MAGI1: variants seen among roughly 807,000 people sequenced by gnomAD.
MAGI1 encodes membrane-associated guanylate kinase, WW and PDZ domain-containing protein 1.
MAGI1 carries 58 observed loss-of-function variants against 139.9 expected under a neutral mutation model. The ratio of observed to expected loss-of-function variants is 0.41; its 90% confidence interval spans 0.34 to 0.52. The LOEUF (loss-of-function observed/expected upper bound fraction) is 0.52. Among genes scored for constraint, MAGI1 ranks in the 20% least tolerant of loss-of-function variants. MAGI1 has a pLI of 0.12. For missense variants in MAGI1, 1,874 were observed against 1,901.6 expected (o/e 0.99, Z 0.27); for synonymous variants, 812 against 737.9 (o/e 1.10, Z -1.63).
At chr3:65,407,757 C>T (rs745991310) in intron 12 of MAGI1, among the ~76,000 whole-genome samples, 7 of 152,106 alleles carry the variant, frequency 4.6e-5, no homozygotes, top group African/African-American at 7.2e-5. Flanking sequence ...AATTCATATT[C>T]TTATTTTCAG....
At chr3:65,634,303 T>G (rs2084479793) in intron 1 of MAGI1, among the ~76,000 whole-genome samples, 1 of 152,346 alleles carries the variant, frequency 6.6e-6, no homozygotes, top group South Asian at 2.1e-4. Flanking sequence ...CAACACATAT[T>G]CTTTCTAAAT....
chr3:65,993,488 T>C (rs1054962753), intron 1 of MAGI1, among the ~76,000 whole-genome samples: 3 of 152,164 alleles, frequency 2.0e-5, no homozygotes, highest in Non-Finnish European at 4.4e-5. Flanking sequence ...CTTCACACAT[T>C]AGTCTTTCAT....
chr3:65,859,867 G>A (rs1431542449), intron 1 of MAGI1, among the ~76,000 whole-genome samples: 1 of 149,978 alleles, frequency 6.7e-6, no homozygotes, highest in East Asian at 2.0e-4. Flanking sequence ...AGTAACCTAT[G>A]CTAACCAATC....
intron 1 of MAGI1, among the ~76,000 whole-genome samples, chr3:65,783,773 CA>C (rs1559878949): frequency 7.3e-6 from 1 of 136,950 alleles, no homozygotes; most frequent in East Asian, 2.2e-4. Context: ...GCTGAGATTA[CA>C]GGTGTGAGCC....
intron 1 of MAGI1, among the ~76,000 whole-genome samples, chr3:65,636,018 C>T (rs978959938): frequency 6.6e-6 from 1 of 152,096 alleles, no homozygotes; most frequent in Admixed American, 6.6e-5. Flanking sequence ...ATCAACAGAG[C>T]ATCCTTGAGT....
At chr3:65,812,468 T>TCTCTCTCACACACACACACACACA (rs1176899313) in intron 1 of MAGI1, among the ~76,000 whole-genome samples, 193 of 89,124 alleles carry the variant, frequency 2.2e-3, no homozygotes, top group East Asian at 0.016. Context: ...TCTCTCTCTC[T>TCTCTCTCACACACACACACACACA]CACACACACA....
In MAGI1 at chr3:65,395,636, C is replaced by CAAAAAAAAAAAAAAAAAAAAAAAAAA. The variant is rs58806140; in HGVS notation, c.2200-4279_2200-4278insTTTTTTTTTTTTTTTTTTTTTTTTTT. 3.4e-3 allele frequency among the ~76,000 whole-genome samples: 65 copies of CAAAAAAAAAAAAAAAAAAAAAAAAAA among 19,166 alleles called. 12 individuals are homozygous for CAAAAAAAAAAAAAAAAAAAAAAAAAA. Among genetic ancestry groups the CAAAAAAAAAAAAAAAAAAAAAAAAAA allele is most frequent in the East Asian group, 5.9e-3 (4 of 674 alleles). 12.6% of individuals were successfully genotyped at this position (19,166 alleles called of 152,430 possible). On this transcript the variant is annotated intron_variant, in intron 13 of 22. Transcript: ENST00000402939. Reference sequence around the variant, plus strand: ...TGGGTGACAGAGCGAGACTCCATCTCAAAAAAAAAAAAAAAAAAAAAGAGG... The same window carrying CAAAAAAAAAAAAAAAAAAAAAAAAAA: ...TGGGTGACAGAGCGAGACTCCATCTCAAAAAAAAAAAAAAAAAAAAAAAAAAAAAAAAAAAAAAAAAAAAAAAGAGG...
At chr3:65,716,348 T>C (rs1310447135) in intron 1 of MAGI1, among the ~76,000 whole-genome samples, 3 of 152,174 alleles carry the variant, frequency 2.0e-5, no homozygotes, top group Admixed American at 2.0e-4. Flanking sequence ...AACATAAATA[T>C]ATTTCATCCT....
intron 22 of MAGI1, among the ~76,000 whole-genome samples, chr3:65,357,706 C>G (rs1462271294): frequency 6.6e-6 from 1 of 152,066 alleles, no homozygotes; most frequent in East Asian, 1.9e-4. Context: ...GAAAAATCTA[C>G]TGCACTGTAT....
rs141283674 is a variant in MAGI1 at position 65,517,131 on chromosome 3, T to A, written c.431-23500A>T. 5.5e-3 allele frequency among the ~76,000 whole-genome samples: 832 copies of A among 152,264 alleles called. 7 individuals carry two copies. Among genetic ancestry groups the A allele is most frequent in the African/African-American group, 0.019 (774 of 41,540 alleles). ...TACACTACCTGGCTTCATATCTCATTCTGCATCAAGCATGTTGTCCTCTAT... is the reference window on the plus strand; with the variant it reads ...TACACTACCTGGCTTCATATCTCATACTGCATCAAGCATGTTGTCCTCTAT... On this transcript the variant is annotated intron_variant, in intron 2 of 22. Coordinates refer to ENST00000402939, the MANE Select transcript of MAGI1 (RefSeq NM_001033057.2).
At chr3:65,820,040 T>G (rs1215191433) in intron 1 of MAGI1, among the ~76,000 whole-genome samples, 2 of 151,934 alleles carry the variant, frequency 1.3e-5, no homozygotes, top group Non-Finnish European at 2.9e-5. Flanking sequence ...ACTGGACAAC[T>G]GGGATGTTGT....
intron 1 of MAGI1, among the ~76,000 whole-genome samples, chr3:65,925,981 T>C (rs920237303): frequency 7.2e-5 from 11 of 152,194 alleles, no homozygotes; most frequent in South Asian, 2.1e-4. Context: ...CCTGGCCATA[T>C]GTACTCATAT....
At chr3:65,377,048 T>C (rs1395201473) in intron 17 of MAGI1, among the ~76,000 whole-genome samples, 1 of 152,194 alleles carries the variant, frequency 6.6e-6, no homozygotes, top group Non-Finnish European at 1.5e-5. Context: ...AGTTATGCAG[T>C]TGAGTTACCT....
intron 1 of MAGI1, among the ~76,000 whole-genome samples, chr3:65,915,653 G>A (rs1018673973): frequency 6.6e-6 from 1 of 152,106 alleles, no homozygotes; most frequent in African/African-American, 2.4e-5. Context: ...CATCCCTCTG[G>A]GTTATCCAGT....
intron 1 of MAGI1, among the ~76,000 whole-genome samples, chr3:65,988,114 T>G (rs760867714): frequency 1.3e-5 from 2 of 152,226 alleles, no homozygotes; most frequent in African/African-American, 2.4e-5. Flanking sequence ...CAGAGCCTAT[T>G]TGGGGCTCAA....
At position 65,429,664 on chromosome 3, in the gene MAGI1, G is replaced by A; in HGVS notation, c.2023C>T (p.Pro675Ser). Residue 675 changes from proline to serine, a missense_variant, in exon 12 of 23, where the codon CCA becomes TCA. Coordinates refer to ENST00000402939, the MANE Select transcript of MAGI1 (RefSeq NM_001033057.2). ...GQRVKQIVDS[P>S]RCRGLKEGDL... ...CCTTCTTTCAGGCCTCGGCACCTTGGGCTGTCAACAATCTGTTTCACTCTT... is the reference window on the plus strand; with the variant it reads ...CCTTCTTTCAGGCCTCGGCACCTTGAGCTGTCAACAATCTGTTTCACTCTT... The A allele has an allele frequency of 6.2e-7, 1 of 1,613,864 alleles. No individual in the cohort carries two copies. Among genetic ancestry groups the A allele is most frequent in the Non-Finnish European group, 8.5e-7 (1 of 1,179,942 alleles).
intron 5 of MAGI1, among the ~76,000 whole-genome samples, chr3:65,468,367 CTTTTTTTTTTTTTTTT>C (rs71102860): frequency 2.9e-4 from 18 of 61,364 alleles, no homozygotes; most frequent in Non-Finnish European, 4.8e-4. Context: ...AGAGGGTATT[CTTTTTTTTTTTTTTTT>C]TTTTTTTTTT....
chr3:65,927,914 A>G (rs756671163), intron 1 of MAGI1, among the ~76,000 whole-genome samples: 57 of 152,220 alleles, frequency 3.7e-4, no homozygotes, highest in Non-Finnish European at 7.2e-4. Flanking sequence ...TGTCCTTTTC[A>G]GAAAAAGCAA....
At chr3:65,453,819 A>C (rs531813371) in intron 5 of MAGI1, among the ~76,000 whole-genome samples, 1 of 152,270 alleles carries the variant, frequency 6.6e-6, no homozygotes, top group Non-Finnish European at 1.5e-5. Flanking sequence ...AATTCACATA[A>C]ATGACTCAAA....
Sources: allele counts gnomAD v4.1 joint callset (sites outside exome capture counted in the v4.1 genomes callset), GRCh38; gene constraint gnomAD v4.1.1; transcripts MANE v1.5; gene names NCBI Gene and HGNC (gene_info 2026-07-23, HGNC 2026-07-21).